The following CHD1L variants were observed in gnomAD, a reference collection of about 807,000 sequenced individuals.
The protein encoded by CHD1L is chromodomain helicase DNA binding protein 1 like, also known as ATP-dependent chromatin remodeler CHD1L.
A neutral mutation model predicts 115.9 loss-of-function variants in CHD1L; 118 were observed. That is an observed-to-expected ratio of 1.02 (90% confidence interval 0.88 to 1.19). CHD1L has a LOEUF of 1.19. Among genes scored for constraint, CHD1L ranks in the 50% most tolerant of loss-of-function variants. CHD1L has a pLI of 0.00. For missense variants in CHD1L, 1,179 were observed against 1,065.3 expected, an observed-to-expected ratio of 1.11 and a Z score of -1.49; for synonymous variants, 411 against 387.1, an observed-to-expected ratio of 1.06 and a Z score of -0.72.
At chr1:147,247,716 TCTC>T (rs1358346224) in intron 1 of CHD1L, among the ~76,000 whole-genome samples, 2 of 152,124 alleles carry the variant, frequency 1.3e-5, no homozygotes, top group African/African-American at 4.8e-5. Flanking sequence ...CAATGTGTAT[TCTC>T]CTGTCTTTGG....
chr1:147,225,605 C>G, the CHD1L span: 1 of 153,858 alleles, frequency 6.5e-6, no homozygotes. Flanking sequence ...CGTCTGTGCT[C>G]GCTTCTGCAT....
intron 1 of CHD1L, among the ~76,000 whole-genome samples, chr1:147,244,065 CT>C (rs1397599348): frequency 3.9e-5 from 6 of 152,162 alleles, no homozygotes; most frequent in African/African-American, 1.4e-4. Flanking sequence ...GTAGACTGGT[CT>C]TTTTATGTTT....
intron 1 of CHD1L, chr1:147,243,034 G>T (rs916125509): frequency 4.4e-5 from 23 of 522,862 alleles, no homozygotes; most frequent in African/African-American, 4.2e-4. Flanking sequence ...CGCGGGGCCG[G>T]CGGACGCCAG....
intron 6 of CHD1L, among the ~76,000 whole-genome samples, chr1:147,262,195 CAAA>C (rs11346769): frequency 2.8e-4 from 35 of 126,092 alleles, no homozygotes; most frequent in Non-Finnish European, 5.7e-4. Context: ...GACTCTGTCT[CAAA>C]AAAAAAAAAA....
At chr1:147,285,575 A>G (rs1156264791) in intron 17 of CHD1L, 88 bp downstream of exon 17, 8 of 1,372,984 alleles carry the variant, frequency 5.8e-6, no homozygotes, top group Non-Finnish European at 7.8e-6. Flanking sequence ...CTTTAAAAAT[A>G]CAGAAAATTC....
chr1:147,240,994 C>CCT (rs1664814218), upstream of CHD1L, among the ~76,000 whole-genome samples: 1 of 151,610 alleles, frequency 6.6e-6, no homozygotes, highest in Non-Finnish European at 1.5e-5. Flanking sequence ...CTCTGTGTCT[C>CCT]TTTTTTTTCT....
Position 147,271,049 on chromosome 1 carries a change from T to G in CHD1L, c.1159+44T>G, listed in dbSNP as rs139685715. 3.5e-4 allele frequency: 511 copies of G among 1,468,820 alleles called. 2 individuals are homozygous for G. The African/African-American group carries it at 6.1e-3, about 18-fold the overall frequency. The allele number at this position is 1,468,820 out of a possible 1,614,324, so 91.0% of individuals were successfully genotyped here. ...TACATTACCTAAGGCTCTGTTAGAC[T>G]TAACAGTCCAGATAGGTCCATGAAG... On this transcript the variant is annotated intron_variant, in intron 11 of 22. Transcript: ENST00000369258.
chr1:147,232,578 T>C, the CHD1L span, among the ~76,000 whole-genome samples: 88,370 of 151,408 alleles, frequency 0.58, 27,781 homozygotes, highest in East Asian at 0.87. Flanking sequence ...GCTGCCATCT[T>C]GGCTCACTGC....
intron 5 of CHD1L, 129 bp from the exon 6 acceptor site, chr1:147,259,708 G>A (rs1671271811): frequency 1.4e-6 from 1 of 711,514 alleles, no homozygotes; most frequent in Non-Finnish European, 2.4e-6. Context: ...GTAATTTGGT[G>A]GCATTTGTAA....
intron 8 of CHD1L, among the ~76,000 whole-genome samples, chr1:147,266,891 C>A (rs587702151): frequency 1.3e-5 from 2 of 152,224 alleles, no homozygotes; most frequent in South Asian, 4.1e-4. Flanking sequence ...TTTTACTGTG[C>A]CAAATTAAAC....
the CHD1L span, chr1:147,174,729 G>A: frequency 6.6e-6 from 1 of 151,928 alleles, no homozygotes; most frequent in Non-Finnish European, 1.5e-5. Context: ...TCGGGAATAA[G>A]TAAAGATACA....
the CHD1L span, chr1:147,212,264 C>G: frequency 1.1e-6 from 1 of 928,044 alleles, no homozygotes; most frequent in Non-Finnish European, 1.6e-6. Flanking sequence ...AAACGAAGCC[C>G]TATATTTGCC....
Position 147,285,425 on chromosome 1 carries a change from C to T in CHD1L, c.1956C>T (p.Ala652=). ...DRQKKRQEAA[A]KRRRLIEEKK... ...AGAAGAAAAGACAAGAAGCAGCTGCCAAGAGAAGGAGACTCATAGAGGAGA... is the reference window on the plus strand; with the variant it reads ...AGAAGAAAAGACAAGAAGCAGCTGCTAAGAGAAGGAGACTCATAGAGGAGA... Residue 652 remains alanine (A), a synonymous_variant, in exon 17 of 23, where the codon GCC becomes GCT. Transcript: ENST00000369258. The T allele has an allele frequency of 6.2e-7, 1 of 1,613,742 alleles. No individual in the cohort carries two copies. The highest frequency in any genetic ancestry group is 1.1e-5 in the South Asian group (1 of 91,042).
intron 14 of CHD1L, among the ~76,000 whole-genome samples, chr1:147,276,950 G>A (rs1553958365): frequency 6.6e-6 from 1 of 152,144 alleles, no homozygotes; most frequent in Non-Finnish European, 1.5e-5. Flanking sequence ...AGTAATAAAT[G>A]TCTGTCAAGG....
chr1:147,268,688 A>G (rs1674926742), intron 9 of CHD1L, 94 bp from the exon 10 acceptor site: 1 of 908,014 alleles, frequency 1.1e-6, no homozygotes, highest in Non-Finnish European at 1.8e-6. Context: ...AACTACTTAT[A>G]TGATGAGCTT....
chr1:147,189,758 G>T, the CHD1L span, among the ~76,000 whole-genome samples: 43,851 of 151,876 alleles, frequency 0.29, 6,518 homozygotes, highest in African/African-American at 0.37. Flanking sequence ...CCAGCAAAGC[G>T]GCCACTGCAG....
chr1:147,265,637 T>C (rs1673586552), intron 7 of CHD1L, among the ~76,000 whole-genome samples: 1 of 152,178 alleles, frequency 6.6e-6, no homozygotes, highest in Admixed American at 6.5e-5. Context: ...TCTAAGCTGT[T>C]ATGCTGATCA....
Position 147,295,460 on chromosome 1 carries a change from T to C in CHD1L, c.2645T>C (p.Val882Ala). 1 of 1,611,682 alleles carries C rather than the reference T, an allele frequency of 6.2e-7. No individual in the cohort carries two copies. Among genetic ancestry groups the C allele is most frequent in the Non-Finnish European group, 8.5e-7 (1 of 1,178,502 alleles). ...TATTTTCCTAGAAGCAAGTCTGCTG[T>C]CCTTCATTCACAGTCTTCATCTTCC... ...IYYFPRSKSA[V>A]LHSQSSSSSS... The change falls in exon 23 of 23, where the codon GTC (valine) becomes GCC (alanine). Residue 882 changes from valine (V) to alanine (A), a missense_variant. Coordinates refer to ENST00000369258, the MANE Select transcript of CHD1L (RefSeq NM_004284.6).
At chr1:147,284,549 A>AAAAC (rs67503815) in intron 16 of CHD1L, 50 bp downstream of exon 16, 893,401 of 1,345,272 alleles carry the variant, frequency 0.66, 303,135 homozygotes, top group African/African-American at 0.71. Context: ...CTCTCATTCT[A>AAAAC]AAACAAACAA....
Sources: gnomAD v4.1 joint callset for allele counts (sites outside exome capture counted in the v4.1 genomes callset) on GRCh38, gnomAD v4.1.1 for gene constraint, MANE v1.5 for transcripts, NCBI Gene and HGNC (gene_info 2026-07-23, HGNC 2026-07-21) for gene names.